RPTOR: variants seen among roughly 807,000 people sequenced by gnomAD.
RPTOR encodes the protein regulatory associated protein of MTOR complex 1.
In RPTOR, 21 loss-of-function variants were observed where a neutral mutation model predicts 169.9. The observed-to-expected ratio is 0.12, with a 90% CI of 0.09 to 0.18. RPTOR has a LOEUF of 0.18. RPTOR is among the 10% of genes least tolerant of loss of function. The pLI is 1.00. For missense variants in RPTOR, 1,133 were observed against 1,855.9 expected (o/e 0.61, Z 7.16); for synonymous variants, 732 against 753.2 (o/e 0.97, Z 0.46).
intron 3 of RPTOR, among the ~76,000 whole-genome samples, chr17:80,678,655 CAGAAT>C (rs2065876693): frequency 6.6e-6 from 1 of 152,232 alleles, no homozygotes; most frequent in South Asian, 2.1e-4. Context: ...ACGCCTGACT[CAGAAT>C]AGACAGTCAC....
intron 10 of RPTOR, among the ~76,000 whole-genome samples, chr17:80,842,626 C>T (rs994555464): frequency 6.6e-6 from 1 of 152,220 alleles, no homozygotes; most frequent in Non-Finnish European, 1.5e-5. Context: ...AAGAGCTAAT[C>T]GTGTATTTAC....
chr17:80,718,246 A>G (rs1369681115), intron 4 of RPTOR, among the ~76,000 whole-genome samples: 1 of 152,152 alleles, frequency 6.6e-6, no homozygotes, highest in Non-Finnish European at 1.5e-5. Flanking sequence ...TTGGTTTAGG[A>G]TAATTTTTAA....
At chr17:80,725,005 G>A (rs1419182822) in intron 4 of RPTOR, among the ~76,000 whole-genome samples, 1 of 152,190 alleles carries the variant, frequency 6.6e-6, no homozygotes, top group Non-Finnish European at 1.5e-5. Flanking sequence ...CATCTGTTTG[G>A]TATGTGAGGG....
chr17:80,711,478 C>T (rs1434587973), intron 4 of RPTOR, among the ~76,000 whole-genome samples: 1 of 152,102 alleles, frequency 6.6e-6, no homozygotes, highest in Non-Finnish European at 1.5e-5. Flanking sequence ...AGAAATGGAA[C>T]ATCAGTTCTG....
chr17:80,889,820 TACGCAGCAGG>T, intron 17 of RPTOR, among the ~76,000 whole-genome samples: 3 of 140,360 alleles, frequency 2.1e-5, no homozygotes, highest in African/African-American at 7.8e-5. Flanking sequence ...GAGGCCCCCG[TACGCAGCAGG>T]ATGTGCGGCC....
intron 1 of RPTOR, among the ~76,000 whole-genome samples, chr17:80,604,652 C>A (rs960448666): frequency 6.6e-6 from 1 of 152,188 alleles, no homozygotes; most frequent in Non-Finnish European, 1.5e-5. Context: ...ATCACAGTTC[C>A]TCATGGCTGG....
At chr17:80,638,896 G>A (rs1234882725) in intron 2 of RPTOR, among the ~76,000 whole-genome samples, 3 of 152,132 alleles carry the variant, frequency 2.0e-5, no homozygotes, top group African/African-American at 7.2e-5. Flanking sequence ...GTTAGAACGG[G>A]GCCAGACTGT....
At chr17:80,830,795 G>A (rs2067495525) in intron 9 of RPTOR, among the ~76,000 whole-genome samples, 1 of 151,358 alleles carries the variant, frequency 6.6e-6, no homozygotes, top group Non-Finnish European at 1.5e-5. Flanking sequence ...CTGTCACCCA[G>A]GCTGGAGTGC....
At chr17:80,727,347 C>T (rs1337175740) in intron 4 of RPTOR, among the ~76,000 whole-genome samples, 1 of 151,580 alleles carries the variant, frequency 6.6e-6, no homozygotes, top group Non-Finnish European at 1.5e-5. Flanking sequence ...TCATGTCACA[C>T]TCCAAGATCA....
intron 3 of RPTOR, among the ~76,000 whole-genome samples, chr17:80,661,825 C>T (rs1336494886): frequency 6.6e-6 from 1 of 151,968 alleles, no homozygotes; most frequent in Non-Finnish European, 1.5e-5. Context: ...CTGTGATGAA[C>T]GGAGTTGCCG....
chr17:80,890,112 G>A (rs113545436), intron 17 of RPTOR, among the ~76,000 whole-genome samples: 15 of 152,012 alleles, frequency 9.9e-5, no homozygotes, highest in Non-Finnish European at 1.5e-4. Context: ...GGCCCCGTGC[G>A]CAGCAGGATG....
intron 5 of RPTOR, among the ~76,000 whole-genome samples, chr17:80,742,051 G>A (rs1021978676): frequency 2.6e-5 from 4 of 152,166 alleles, no homozygotes; most frequent in African/African-American, 4.8e-5. Context: ...TTGTGCACAC[G>A]GGGCCATTGC....
rs1252263380 is a variant in RPTOR, at chr17:80,707,901, T to C, written c.409T>C (p.Leu137=). 6.2e-7 allele frequency: 1 copy of C among 1,614,076 alleles called. No individual in the cohort carries two copies. The highest frequency in any genetic ancestry group is 1.7e-5 in the Admixed American group (1 of 60,012). ...TGAAGTCAAGAAGCTCTGCACGTCCTTACGTCGCAACGCCAAGGAGGAGCG... is the reference window on the plus strand; with the variant it reads ...TGAAGTCAAGAAGCTCTGCACGTCCCTACGTCGCAACGCCAAGGAGGAGCG... ...VDEVKKLCTS[L]RRNAKEERVL... Residue 137 remains leucine, a synonymous_variant, in exon 4 of 34, where the codon TTA becomes CTA. Coordinates refer to ENST00000306801, the MANE Select transcript of RPTOR (RefSeq NM_020761.3). This position sits in a 1 kb window ranked among gnomAD's most constrained non-coding sequence, Gnocchi z 5.0.
chr17:80,615,825 T>C (rs998878352), intron 1 of RPTOR, among the ~76,000 whole-genome samples: 15 of 152,124 alleles, frequency 9.9e-5, no homozygotes, highest in African/African-American at 3.6e-4. Flanking sequence ...CCTGAAAATA[T>C]CCATTTAGCC....
intron 17 of RPTOR, among the ~76,000 whole-genome samples, chr17:80,890,949 G>A (rs11656061): frequency 0.35 from 53,694 of 151,822 alleles, 10,935 homozygotes; most frequent in South Asian, 0.47. Context: ...CTCTCACAGC[G>A]CTTGGCTTTC....
chr17:80,955,661 T>A (rs1004544417), intron 28 of RPTOR, among the ~76,000 whole-genome samples: 1 of 152,118 alleles, frequency 6.6e-6, no homozygotes, highest in African/African-American at 2.4e-5. Context: ...TATAAAAATA[T>A]GTGCAACTGT....
rs1469593640 is a variant in RPTOR, at chr17:80,964,560, A to G, written c.*230A>G. Reference sequence around the variant, plus strand: ...TCGGGTTGACGGTGGCTTCCCACTGAGCACCAGCATCCAGGTGCACCCCCG... The same window carrying G: ...TCGGGTTGACGGTGGCTTCCCACTGGGCACCAGCATCCAGGTGCACCCCCG... On this transcript the variant is annotated 3_prime_UTR_variant, in exon 34 of 34. Transcript: ENST00000306801. 1 of 580,092 alleles carries G rather than the reference A, an allele frequency of 1.7e-6. No homozygotes were observed. Among genetic ancestry groups the G allele is most frequent in the Non-Finnish European group, 3.1e-6 (1 of 323,112 alleles). 35.9% of individuals were successfully genotyped at this position (580,092 alleles called of 1,614,324 possible).
chr17:80,872,756 C>T (rs1036843730), intron 13 of RPTOR, among the ~76,000 whole-genome samples: 3 of 152,274 alleles, frequency 2.0e-5, no homozygotes, highest in Admixed American at 6.5e-5. Context: ...GCAGGGGTGA[C>T]GGCTCGCCCT....
At chr17:80,634,283 T>TGC (rs2065469915) in intron 2 of RPTOR, among the ~76,000 whole-genome samples, 2 of 120,392 alleles carry the variant, frequency 1.7e-5, no homozygotes, top group African/African-American at 5.8e-5. Context: ...GCGTACTGTG[T>TGC]GTGTGCGTAC....
Sources: gnomAD v4.1 joint callset for allele counts (sites outside exome capture counted in the v4.1 genomes callset) on GRCh38, gnomAD v4.1.1 for gene constraint, Gnocchi (gnomAD v3.1) non-coding constraint, MANE v1.5 for transcripts, NCBI Gene and HGNC (gene_info 2026-07-23, HGNC 2026-07-21) for gene names.